Variants in PLAG1 observed in about 807,000 individuals in gnomAD.
PLAG1 encodes PLAG1 zinc finger.
PLAG1 carries 7 observed loss-of-function variants against 35.5 expected under a neutral mutation model. That is an observed-to-expected ratio of 0.20 (90% CI 0.11 to 0.37). The LOEUF (loss-of-function observed/expected upper bound fraction) is 0.37. Among genes scored for constraint, PLAG1 ranks in the 10% least tolerant of loss-of-function variants. The probability of loss-of-function intolerance (pLI) is 1.00; values close to 1 mark genes in which losing one functional copy is unlikely to be tolerated. For missense variants in PLAG1, 454 were observed against 602.8 expected, an observed-to-expected ratio of 0.75 and a Z score of 2.58; for synonymous variants, 229 against 225.4, an observed-to-expected ratio of 1.02 and a Z score of -0.14.
chr8:56,196,974 G>GTGTGTT (rs1033005674), intron 1 of PLAG1, among the ~76,000 whole-genome samples: 1 of 150,362 alleles, frequency 6.7e-6, no homozygotes, highest in African/African-American at 2.5e-5. Flanking sequence ...GTGTGTGTGT[G>GTGTGTT]TGTGTGTGTG....
chr8:56,181,715 T>C (rs1324924861), intron 1 of PLAG1, among the ~76,000 whole-genome samples: 1 of 152,140 alleles, frequency 6.6e-6, no homozygotes, highest in Non-Finnish European at 1.5e-5. Flanking sequence ...GAACTTAAAG[T>C]ATGTATATAA....
At chr8:56,190,379 T>C (rs1386728776) in intron 1 of PLAG1, among the ~76,000 whole-genome samples, 1 of 152,166 alleles carries the variant, frequency 6.6e-6, no homozygotes, top group African/African-American at 2.4e-5. Context: ...GCCAGGATGC[T>C]CTAAGGTCAC....
intron 1 of PLAG1, among the ~76,000 whole-genome samples, chr8:56,198,753 T>A (rs984972519): frequency 7.2e-5 from 11 of 152,124 alleles, no homozygotes; most frequent in African/African-American, 2.2e-4. Context: ...TCACTGTCTC[T>A]TAGGGTCCCT....
intron 1 of PLAG1, among the ~76,000 whole-genome samples, chr8:56,195,783 A>G (rs1812343609): frequency 1.3e-5 from 2 of 152,110 alleles, no homozygotes; most frequent in Admixed American, 1.3e-4. Flanking sequence ...TGACGGTGCA[A>G]GCCGGGAGGG....
At chr8:56,176,118 C>T (rs1422307272) in intron 2 of PLAG1, among the ~76,000 whole-genome samples, 1 of 148,280 alleles carries the variant, frequency 6.7e-6, no homozygotes, top group Non-Finnish European at 1.5e-5. Flanking sequence ...GGTGCAATCT[C>T]GGCTCACTGA....
intron 2 of PLAG1, among the ~76,000 whole-genome samples, chr8:56,176,686 A>C (rs1166702858): frequency 4.6e-5 from 7 of 151,992 alleles, no homozygotes; most frequent in Non-Finnish European, 4.4e-5. Context: ...TCTATAAAAC[A>C]GTCCCAAAAT....
intron 1 of PLAG1, among the ~76,000 whole-genome samples, chr8:56,182,987 T>C (rs1389773276): frequency 6.6e-6 from 1 of 152,150 alleles, no homozygotes; most frequent in African/African-American, 2.4e-5. Context: ...TTTGCTCACC[T>C]TGGCCAGTGC....
At chr8:56,193,103 G>A (rs1190306487) in intron 1 of PLAG1, among the ~76,000 whole-genome samples, 1 of 152,144 alleles carries the variant, frequency 6.6e-6, no homozygotes, top group African/African-American at 2.4e-5. Flanking sequence ...AGGAATTATT[G>A]TTCTTTTGGT....
At chr8:56,172,306 T>C (rs1811554159) in intron 2 of PLAG1, among the ~76,000 whole-genome samples, 1 of 152,164 alleles carries the variant, frequency 6.6e-6, no homozygotes, top group Admixed American at 6.5e-5. Flanking sequence ...TTTTTTATAG[T>C]TTAAAAGACA....
rs944845643 is a variant in PLAG1 at position 56,166,519 on chromosome 8, G to T, written c.1227C>A (p.Asp409Glu). 1.1e-5 allele frequency: 17 copies of T among 1,613,894 alleles called. No individual in the cohort carries two copies. The highest frequency in any genetic ancestry group is 1.4e-5 in the Non-Finnish European group (16 of 1,179,928). Residue 409 changes from aspartate to glutamate, a missense_variant, in exon 5 of 5, where the codon GAC becomes GAA. By Grantham distance (45) the Asp-to-Glu change is conservative. This residue lies in a region of PLAG1 where 271 missense variants were observed against 315.6 expected (regional missense o/e 0.86). Coordinates refer to ENST00000316981, the MANE Select transcript of PLAG1 (RefSeq NM_002655.3). ...SLSKSSISIS[D>E]PLNTPALDFS... ...AATCCAATGCTGGTGTGTTTAGGGG[G>T]TCACTGATGGAGATAGAGCTTTTGG...
Position 56,168,388 on chromosome 8 carries a change from T to A in PLAG1, c.-117-2A>T. ...GTCGTAAAAGAAAGCAAAAAGGGAC[T>A]GGAAAAAAAAATAAGAAACAACTAG... is the stretch of plus-strand genomic sequence containing the variant. On this transcript the variant is annotated splice_acceptor_variant, in intron 3 of 4. Coordinates refer to ENST00000316981, the MANE Select transcript of PLAG1 (RefSeq NM_002655.3). LOFTEE classifies it low-confidence loss of function (5UTR_SPLICE). 7.6e-7 allele frequency: 1 copy of A among 1,318,438 alleles called. No individual in the cohort carries two copies. Among genetic ancestry groups the A allele is most frequent in the East Asian group, 2.6e-5 (1 of 37,944 alleles). 81.7% of individuals were successfully genotyped at this position (1,318,438 alleles called of 1,614,324 possible).
At chr8:56,186,392 G>C (rs936064281) in intron 1 of PLAG1, among the ~76,000 whole-genome samples, 4 of 151,396 alleles carry the variant, frequency 2.6e-5, no homozygotes, top group Non-Finnish European at 5.9e-5. Flanking sequence ...TTTTTTTTGA[G>C]ATGGGATCTC....
intron 1 of PLAG1, among the ~76,000 whole-genome samples, chr8:56,197,339 G>C (rs962185912): frequency 6.6e-6 from 1 of 152,086 alleles, no homozygotes; most frequent in Non-Finnish European, 1.5e-5. Flanking sequence ...CCTGGAATCT[G>C]TCTCTCCCAC....
intron 1 of PLAG1, among the ~76,000 whole-genome samples, chr8:56,198,432 C>T (rs541235723): frequency 1.4e-4 from 22 of 152,322 alleles, no homozygotes; most frequent in South Asian, 4.1e-4. Flanking sequence ...GTCCTATAGC[C>T]ATGTGCAGAG....
intron 2 of PLAG1, among the ~76,000 whole-genome samples, chr8:56,172,442 A>G (rs1318738889): frequency 1.3e-5 from 2 of 152,242 alleles, no homozygotes; most frequent in South Asian, 2.1e-4. Context: ...TTACAAAATA[A>G]TAACATTAAC....
At position 56,166,942 on chromosome 8, in the gene PLAG1, C is replaced by T. The variant is rs141511335; in HGVS notation, c.804G>A (p.Pro268=). ...VSVPIKDELL[P]VMSLPSSELL... is the part of the protein sequence containing the mutation. Reference sequence around the variant, plus strand: ...GTTCACTGGAAGGTAAGGACATCACCGGAAGGAGCTCGTCTTTTATAGGCA... The same window carrying T: ...GTTCACTGGAAGGTAAGGACATCACTGGAAGGAGCTCGTCTTTTATAGGCA... The change falls in exon 5 of 5, where the codon CCG becomes CCA. Residue 268 remains proline, a synonymous_variant. Coordinates refer to ENST00000316981, the MANE Select transcript of PLAG1 (RefSeq NM_002655.3). 66 of 1,613,844 alleles carry T rather than the reference C, an allele frequency of 4.1e-5. No homozygotes were observed. In the Admixed American group the frequency reaches 4.8e-4, roughly 12 times the overall value.
At chr8:56,176,948 T>G (rs988197305) in intron 2 of PLAG1, among the ~76,000 whole-genome samples, 2 of 152,178 alleles carry the variant, frequency 1.3e-5, no homozygotes, top group African/African-American at 4.8e-5. Flanking sequence ...AAATACAGAA[T>G]AATCCAGATT....
intron 1 of PLAG1, among the ~76,000 whole-genome samples, chr8:56,186,303 T>C (rs1563384097): frequency 6.6e-6 from 1 of 152,244 alleles, no homozygotes. Flanking sequence ...TGTGCCTTTG[T>C]TGGTCTCCGA....
At chr8:56,193,368 T>C (rs921082856) in intron 1 of PLAG1, among the ~76,000 whole-genome samples, 2 of 152,156 alleles carry the variant, frequency 1.3e-5, no homozygotes, top group Non-Finnish European at 2.9e-5. Flanking sequence ...TAAAAAGTTT[T>C]TTGAAAACAC....
Sources: allele counts gnomAD v4.1 joint callset (sites outside exome capture counted in the v4.1 genomes callset), GRCh38; gene constraint gnomAD v4.1.1; regional missense constraint gnomAD v4.1.1; transcripts MANE v1.5; gene names NCBI Gene and HGNC (gene_info 2026-07-23, HGNC 2026-07-21).